The following ZBTB8A variants were observed in gnomAD, a reference collection of about 807,000 sequenced individuals.
ZBTB8A encodes zinc finger and BTB domain-containing protein 8A.
ZBTB8A carries 19 observed loss-of-function variants against 37.8 expected under a neutral mutation model. That is an observed-to-expected ratio of 0.50 (90% CI 0.35 to 0.74). The LOEUF (loss-of-function observed/expected upper bound fraction) is 0.74. Among genes scored for constraint, ZBTB8A ranks in the 30% least tolerant of loss-of-function variants. The probability of loss-of-function intolerance (pLI) is 0.01; values close to 1 mark genes in which losing one functional copy is unlikely to be tolerated. For missense variants in ZBTB8A, 394 were observed against 537.8 expected, an observed-to-expected ratio of 0.73 and a Z score of 2.65; for synonymous variants, 181 against 185.2, an observed-to-expected ratio of 0.98 and a Z score of 0.19.
chr1:32,552,651 G>C (rs748571439), intron 1 of ZBTB8A, among the ~76,000 whole-genome samples: 6 of 151,968 alleles, frequency 3.9e-5, no homozygotes, highest in Non-Finnish European at 8.8e-5. Flanking sequence ...GGGCGACAGA[G>C]TGAGACTCCA....
intron 2 of ZBTB8A, among the ~76,000 whole-genome samples, chr1:32,590,153 C>T (rs908917320): frequency 6.6e-6 from 1 of 151,538 alleles, no homozygotes; most frequent in African/African-American, 2.4e-5. Flanking sequence ...AGGCTGGTCT[C>T]GAACTCCTGG....
chr1:32,547,828 CA>C (rs1194254576), intron 1 of ZBTB8A, among the ~76,000 whole-genome samples: 72 of 30,482 alleles, frequency 2.4e-3, no homozygotes, highest in Admixed American at 8.0e-3. Flanking sequence ...ACAAACAAAG[CA>C]AAAAAAAAAA....
In ZBTB8A at chr1:32,593,320, A is replaced by G; in HGVS notation, c.389A>G (p.Asp130Gly). The G allele has an allele frequency of 1.9e-6, 3 of 1,614,194 alleles. No individual in the cohort carries two copies. Among genetic ancestry groups the G allele is most frequent in the Non-Finnish European group, 2.5e-6 (3 of 1,180,032 alleles). Residue 130 changes from aspartate (D) to glycine (G), a missense_variant, in exon 3 of 5, where the codon GAT (aspartate) becomes GGT (glycine). By Grantham distance (94) the Asp-to-Gly change is moderately conservative. Transcript: ENST00000373510. ...TTAGACATTAGTGAGAAAGAAAAAG[A>G]TCGCTATTTCAGTCTCTCAGATAAA... ...SSLDISEKEKDRYFSLSDKDA... is the reference protein window; with the variant it reads ...SSLDISEKEKGRYFSLSDKDA...
intron 1 of ZBTB8A, among the ~76,000 whole-genome samples, chr1:32,542,977 G>C (rs1231561169): frequency 6.6e-6 from 1 of 152,028 alleles, no homozygotes; most frequent in African/African-American, 2.4e-5. Flanking sequence ...AACCTTTTTT[G>C]ATGACTCAAG....
chr1:32,599,343 T>C (rs1420348715), intron 4 of ZBTB8A, among the ~76,000 whole-genome samples: 1 of 151,998 alleles, frequency 6.6e-6, no homozygotes, highest in South Asian at 2.1e-4. Context: ...GAGGATTGCT[T>C]GAGCCTGGGA....
chr1:32,546,613 G>A (rs1644106389), intron 1 of ZBTB8A, among the ~76,000 whole-genome samples: 1 of 152,114 alleles, frequency 6.6e-6, no homozygotes, highest in Admixed American at 6.6e-5. Flanking sequence ...TGCACTCCAG[G>A]CTGGTGGGAC....
rs568593085 is a variant in ZBTB8A at position 32,595,017 on chromosome 1, A to C, written c.824-37A>C. 36 of 1,575,696 alleles carry C rather than the reference A, an allele frequency of 2.3e-5. No individual in the cohort carries two copies. In the East Asian group the frequency reaches 7.4e-4, roughly 33 times the overall value. On this transcript the variant is annotated intron_variant, in intron 3 of 4. Transcript: ENST00000373510. The stretch of plus-strand genomic sequence containing the variant: ...TCTTTCTGTTATTAGAATTGTTATG[A>C]ACTTTCCAGTGATTTAATCAAAGCG...
Position 32,600,493 on chromosome 1 carries a change from CG to C in ZBTB8A, c.*76del. Reference sequence around the variant, plus strand: ...TCCTGTATCTCTCTCTTTCTATGGTCGGAGTCTAGTTAACAAATTTATCACA... The same window carrying C: ...TCCTGTATCTCTCTCTTTCTATGGTCGAGTCTAGTTAACAAATTTATCACA... On this transcript the variant is annotated 3_prime_UTR_variant, in exon 5 of 5. Coordinates refer to ENST00000373510, the MANE Select transcript of ZBTB8A (RefSeq NM_001040441.3). The C allele has an allele frequency of 8.6e-7, 1 of 1,169,524 alleles. No individual in the cohort carries two copies. The highest frequency in any genetic ancestry group is 1.2e-6 in the Non-Finnish European group (1 of 827,370). The allele number at this position is 1,169,524 out of a possible 1,614,324, so 72.4% of individuals were successfully genotyped here. A position where few individuals can be genotyped will look rare whatever the true frequency, so the allele number is the denominator to read the frequency against.
intron 3 of ZBTB8A, among the ~76,000 whole-genome samples, chr1:32,594,728 T>C (rs1373573884): frequency 6.7e-6 from 1 of 150,206 alleles, no homozygotes; most frequent in African/African-American, 2.5e-5. Context: ...ATTGCGCCAT[T>C]GCACTCCAGC....
chr1:32,566,429 G>A (rs1416802051), intron 2 of ZBTB8A, among the ~76,000 whole-genome samples: 2 of 151,850 alleles, frequency 1.3e-5, no homozygotes, highest in South Asian at 4.2e-4. Flanking sequence ...GGAGGCTAAG[G>A]TGGGAGGGTC....
In ZBTB8A at chr1:32,593,087, T is replaced by A. The variant is rs139095790; in HGVS notation, c.156T>A (p.Leu52=). 1.2e-6 allele frequency: 2 copies of A among 1,614,164 alleles called. No individual in the cohort carries two copies. The highest frequency in any genetic ancestry group is 8.5e-7 in the Non-Finnish European group (1 of 1,180,040). The change falls in exon 3 of 5, where the codon CTT becomes CTA. Residue 52 remains leucine, a synonymous_variant. Coordinates refer to ENST00000373510, the MANE Select transcript of ZBTB8A (RefSeq NM_001040441.3). ...LFASSGYFKM[L]LSQNSKETSQ... is the part of the protein sequence containing the mutation. ...CTAGTAGCGGCTACTTTAAAATGCT[T>A]CTTTCTCAGAATTCAAAGGAGACGA...
chr1:32,575,583 T>C (rs1328645702), intron 2 of ZBTB8A, among the ~76,000 whole-genome samples: 1 of 151,810 alleles, frequency 6.6e-6, no homozygotes, highest in Non-Finnish European at 1.5e-5. Flanking sequence ...TTGAGGTGGC[T>C]CACGCCTATA....
intron 2 of ZBTB8A, among the ~76,000 whole-genome samples, chr1:32,592,513 T>C (rs1425469111): frequency 6.6e-6 from 1 of 151,194 alleles, no homozygotes; most frequent in Non-Finnish European, 1.5e-5. Context: ...GTTTTTGGGG[T>C]GTTTGTTTTT....
chr1:32,554,776 G>A (rs1644187414), intron 2 of ZBTB8A, among the ~76,000 whole-genome samples: 1 of 152,046 alleles, frequency 6.6e-6, no homozygotes, highest in Non-Finnish European at 1.5e-5. Context: ...ACCGCACCCG[G>A]CTTTATCTTT....
chr1:32,543,182 C>A (rs929342014), intron 1 of ZBTB8A, among the ~76,000 whole-genome samples: 2 of 152,020 alleles, frequency 1.3e-5, no homozygotes, highest in Non-Finnish European at 1.5e-5. Flanking sequence ...CTCCCAGGGT[C>A]AAGCAATTCT....
rs190203858 is a variant in ZBTB8A, at chr1:32,580,573, C to G, written c.-1-12358C>G. ...CTGAAAAAAAAAAAAAGAGAATTTT[C>G]AGGGTTAATGACAATACTGGGGAAA... is the stretch of plus-strand genomic sequence containing the variant. On this transcript the variant is annotated intron_variant, in intron 2 of 4. Transcript: ENST00000373510. Among the ~76,000 whole-genome samples, 6 of 151,674 alleles carry G rather than the reference C, an allele frequency of 4.0e-5. No homozygotes were observed. The East Asian group carries it at 7.8e-4, about 20-fold the overall frequency.
At chr1:32,562,637 C>T (rs1056402637) in intron 2 of ZBTB8A, among the ~76,000 whole-genome samples, 6 of 137,074 alleles carry the variant, frequency 4.4e-5, no homozygotes, top group African/African-American at 1.7e-4. Flanking sequence ...AGTGCAGTGG[C>T]GTGATCTCAG....
chr1:32,558,217 G>A (rs1045271900), intron 2 of ZBTB8A, among the ~76,000 whole-genome samples: 1 of 152,032 alleles, frequency 6.6e-6, no homozygotes. Flanking sequence ...ACAAAATTAC[G>A]TTTCTGATCA....
At chr1:32,582,057 G>A (rs904364092) in intron 2 of ZBTB8A, among the ~76,000 whole-genome samples, 1 of 152,086 alleles carries the variant, frequency 6.6e-6, no homozygotes, top group Non-Finnish European at 1.5e-5. Context: ...TCAAAAAAAT[G>A]TAGTCATGAC....
Sources: allele counts gnomAD v4.1 joint callset (sites outside exome capture counted in the v4.1 genomes callset), GRCh38; gene constraint gnomAD v4.1.1; transcripts MANE v1.5; gene names NCBI Gene and HGNC (gene_info 2026-07-23, HGNC 2026-07-21).